Variants in CDH2 observed in about 807,000 individuals in gnomAD.
CDH2 encodes the protein cadherin-2.
In CDH2, 17 loss-of-function variants were observed where a neutral mutation model predicts 92.0. That is an observed-to-expected ratio of 0.18 (90% CI 0.13 to 0.28). The LOEUF is 0.28. Among genes scored for constraint, CDH2 ranks in the 10% least tolerant of loss-of-function variants. CDH2 has a pLI of 1.00. For missense variants in CDH2, 862 were observed against 1,133.1 expected (o/e 0.76, Z 3.44); for synonymous variants, 419 against 415.9 (o/e 1.01, Z -0.09).
Position 27,983,076 on chromosome 18 carries a change from C to T in CDH2, c.2217G>A (p.Val739=). ...LLCIIILLIL[V]LMFVVWMKRR... ...GTTTCATCCATACCACAAACATCAG[C>T]ACAAGGACTAGGTAGAAAAATAGTA... Residue 739 remains valine (V), a synonymous_variant, in exon 14 of 16, where the codon GTG becomes GTA. Transcript: ENST00000269141. 1.2e-6 allele frequency: 2 copies of T among 1,608,590 alleles called. No individual in the cohort carries two copies. The highest frequency in any genetic ancestry group is 2.2e-5 in the East Asian group (1 of 44,806).
intron 7 of CDH2, among the ~76,000 whole-genome samples, chr18:27,996,172 T>G (rs1306479524): frequency 1.3e-5 from 2 of 152,164 alleles, no homozygotes; most frequent in Admixed American, 1.3e-4. Flanking sequence ...CCCATTCGCT[T>G]ACCCCACACC....
intron 2 of CDH2, among the ~76,000 whole-genome samples, chr18:28,121,139 G>C (rs1012900192): frequency 2.6e-5 from 4 of 152,200 alleles, no homozygotes; most frequent in Non-Finnish European, 4.4e-5. Flanking sequence ...AAAAATGACC[G>C]CAAGAAATCC....
intron 6 of CDH2, 145 bp downstream of exon 6, chr18:28,005,704 C>A: frequency 1.8e-6 from 1 of 567,714 alleles, no homozygotes; most frequent in Non-Finnish European, 2.9e-6. Flanking sequence ...CCCTAAGTTA[C>A]CTTCCTTCTT....
chr18:28,088,671 G>A (rs773607893), intron 2 of CDH2, among the ~76,000 whole-genome samples: 1 of 152,104 alleles, frequency 6.6e-6, no homozygotes, highest in Non-Finnish European at 1.5e-5. Flanking sequence ...GAGGAAGAGG[G>A]TTTCTAGCAC....
intron 6 of CDH2, among the ~76,000 whole-genome samples, chr18:27,941,218 G>A (rs920516936): frequency 4.6e-5 from 7 of 151,840 alleles, no homozygotes; most frequent in Non-Finnish European, 7.4e-5. Flanking sequence ...TGTATTTTTA[G>A]TAGAGACGGG....
chr18:27,972,349 T>A (rs1175973223), intron 14 of CDH2, among the ~76,000 whole-genome samples: 1 of 152,120 alleles, frequency 6.6e-6, no homozygotes, highest in Non-Finnish European at 1.5e-5. Context: ...CAGTAACACC[T>A]CCTGCCTGCT....
chr18:27,960,583 G>A lies in CDH2; in HGVS notation c.2514+2774C>T, dbSNP rs536370251. Among the ~76,000 whole-genome samples, 6 of 152,288 alleles carry A rather than the reference G, an allele frequency of 3.9e-5. No individual in the cohort carries two copies. The South Asian group carries it at 8.3e-4, about 21-fold the overall frequency. On this transcript the variant is annotated intron_variant, in intron 15 of 15. Coordinates refer to ENST00000269141, the MANE Select transcript of CDH2 (RefSeq NM_001792.5). The stretch of plus-strand genomic sequence containing the variant: ...GGCACATTTGCATTGCACAAATATC[G>A]TGCTAGCAACAAAGTAGGGTATACA...
At chr18:28,043,467 T>TATATATATATATATATATATATAA (rs2013994995) in intron 2 of CDH2, among the ~76,000 whole-genome samples, 7 of 59,630 alleles carry the variant, frequency 1.2e-4, no homozygotes, top group Admixed American at 2.1e-4. Flanking sequence ...AATAAATATA[T>TATATATATATATATATATATATAA]ATATATATAT....
chr18:27,956,254 A>G (rs765372600), intron 15 of CDH2, among the ~76,000 whole-genome samples: 30 of 152,182 alleles, frequency 2.0e-4, no homozygotes, highest in Non-Finnish European at 4.0e-4. Context: ...AATTTAGCAA[A>G]GTATCCTCTT....
rs1387623128 is a variant in CDH2, at chr18:27,990,334, G to C, written c.1361C>G (p.Thr454Arg). 1 of 1,609,308 alleles carries C rather than the reference G, an allele frequency of 6.2e-7. No homozygotes were observed. Among genetic ancestry groups the C allele is most frequent in the East Asian group, 2.2e-5 (1 of 44,758 alleles). ...VTVVKPIDFE[T>R]NRMFVLTVAA... The stretch of plus-strand genomic sequence containing the variant: ...AACAGTAAGGACAAACATCCTATTT[G>C]TTTCAAAGTCGATTGGCTGGAAAAT... The change falls in exon 10 of 16, where the codon ACA becomes AGA. Residue 454 changes from threonine (T) to arginine (R), a missense_variant. Around this residue, in one of 5 missense-constraint regions of CDH2, gnomAD observed 564 missense variants for 722.2 expected, o/e 0.78. Transcript: ENST00000269141.
In CDH2 at chr18:27,952,056, A is replaced by G. The variant is rs1909479858; in HGVS notation, c.*97T>C. ...CAAAGCCTCCAGCAAGCACTGTGCT[A>G]GTAGACTACAAAGTTAAAGCCTAGC... On this transcript the variant is annotated 3_prime_UTR_variant, in exon 16 of 16. Coordinates refer to ENST00000269141, the MANE Select transcript of CDH2 (RefSeq NM_001792.5). 14 of 1,061,108 alleles carry G rather than the reference A, an allele frequency of 1.3e-5. No homozygotes were observed. The South Asian group carries it at 1.8e-4, about 14-fold the overall frequency. 65.7% of individuals were successfully genotyped at this position (1,061,108 alleles called of 1,614,324 possible). A position where few individuals can be genotyped will look rare whatever the true frequency, so the allele number is the denominator to read the frequency against.
intron 1 of CDH2, among the ~76,000 whole-genome samples, chr18:28,160,860 T>A (rs1263813082): frequency 6.6e-6 from 1 of 152,192 alleles, no homozygotes; most frequent in Non-Finnish European, 1.5e-5. Flanking sequence ...ATTTACCATT[T>A]GGGGTACCTC....
chr18:28,079,437 T>G (rs761165586), intron 2 of CDH2, among the ~76,000 whole-genome samples: 7 of 152,192 alleles, frequency 4.6e-5, no homozygotes, highest in Non-Finnish European at 8.8e-5. Flanking sequence ...GCAGCTGTAT[T>G]TGGGTCTCTC....
At chr18:27,946,816 GTTCAA>G (rs963153805), downstream of CDH2, among the ~76,000 whole-genome samples, 6 of 152,006 alleles carry the variant, frequency 3.9e-5, no homozygotes, top group African/African-American at 9.6e-5. Flanking sequence ...TTCCAGGAAA[GTTCAA>G]TTCAATATTA....
intron 14 of CDH2, among the ~76,000 whole-genome samples, chr18:27,981,053 A>C (rs1483224790): frequency 1.3e-5 from 2 of 152,140 alleles, no homozygotes; most frequent in Admixed American, 1.3e-4. Context: ...AGATTAGGTG[A>C]CATTAAATAC....
At chr18:28,152,072 G>A (rs2016131617) in intron 1 of CDH2, among the ~76,000 whole-genome samples, 1 of 152,140 alleles carries the variant, frequency 6.6e-6, no homozygotes, top group Non-Finnish European at 1.5e-5. Context: ...CAAAAATAAT[G>A]GCAGCAGGAG....
At chr18:28,011,747 A>T (rs1369741007) in intron 4 of CDH2, 99 bp downstream of exon 4, 20 of 1,134,614 alleles carry the variant, frequency 1.8e-5, no homozygotes, top group Non-Finnish European at 2.6e-5. Context: ...TTTAGTATAT[A>T]CATGTCATAA....
chr18:28,034,951 GAAC>G (rs1599051302), intron 2 of CDH2, among the ~76,000 whole-genome samples: 1 of 151,846 alleles, frequency 6.6e-6, no homozygotes, highest in East Asian at 1.9e-4. Context: ...TAGTTTTTTG[GAAC>G]TACCTAATAA....
At chr18:27,976,621 T>C (rs1480744924) in intron 14 of CDH2, among the ~76,000 whole-genome samples, 1 of 152,234 alleles carries the variant, frequency 6.6e-6, no homozygotes, top group Non-Finnish European at 1.5e-5. Flanking sequence ...AATATACGCC[T>C]ATTTTACTGG....
Sources: gnomAD v4.1 joint callset for allele counts (sites outside exome capture counted in the v4.1 genomes callset) on GRCh38, gnomAD v4.1.1 for gene constraint, gnomAD v4.1.1 regional missense constraint, MANE v1.5 for transcripts, NCBI Gene and HGNC (gene_info 2026-07-23, HGNC 2026-07-21) for gene names.